The following RUNDC3B variants were observed in gnomAD, a reference collection of about 807,000 sequenced individuals.
RUNDC3B encodes RUN domain containing 3B.
A neutral mutation model predicts 58.4 loss-of-function variants in RUNDC3B; 33 were observed. That is an observed-to-expected ratio of 0.56 (90% CI 0.43 to 0.75). RUNDC3B has a LOEUF of 0.75. RUNDC3B is among the 30% of genes least tolerant of loss of function. The probability of loss-of-function intolerance (pLI) is 0.00; values close to 1 mark genes in which losing one functional copy is unlikely to be tolerated. For missense variants in RUNDC3B, 501 were observed against 535.7 expected, an observed-to-expected ratio of 0.94 and a Z score of 0.64; for synonymous variants, 193 against 195.2, an observed-to-expected ratio of 0.99 and a Z score of 0.10.
chr7:87,746,799 C>T (rs1322313197), intron 6 of RUNDC3B, among the ~76,000 whole-genome samples: 2 of 152,142 alleles, frequency 1.3e-5, no homozygotes, highest in African/African-American at 4.8e-5. Context: ...GCTTTTAGGC[C>T]ATTTACATTC....
At chr7:87,707,992 TATAAC>T (rs1829757860) in intron 3 of RUNDC3B, among the ~76,000 whole-genome samples, 1 of 151,938 alleles carries the variant, frequency 6.6e-6, no homozygotes, top group African/African-American at 2.4e-5. Context: ...ATAATGAAAA[TATAAC>T]ATATAAAAAC....
chr7:87,666,041 C>CT (rs1466370274), intron 2 of RUNDC3B, among the ~76,000 whole-genome samples: 1 of 152,034 alleles, frequency 6.6e-6, no homozygotes, highest in Non-Finnish European at 1.5e-5. Flanking sequence ...TCTTTTAGCT[C>CT]TTTGAGGAAT....
intron 6 of RUNDC3B, among the ~76,000 whole-genome samples, chr7:87,752,630 C>A (rs1395806678): frequency 6.6e-6 from 1 of 152,178 alleles, no homozygotes; most frequent in African/African-American, 2.4e-5. Flanking sequence ...AGGAATTTAT[C>A]CATTTCTTCT....
intron 8 of RUNDC3B, among the ~76,000 whole-genome samples, chr7:87,778,621 G>A (rs1834775086): frequency 6.6e-6 from 1 of 152,056 alleles, no homozygotes; most frequent in South Asian, 2.1e-4. Flanking sequence ...TTAGACTAGC[G>A]CTACTCAAAG....
chr7:87,648,101 C>T (rs1453107741), intron 1 of RUNDC3B, among the ~76,000 whole-genome samples: 5 of 149,248 alleles, frequency 3.4e-5, no homozygotes, highest in East Asian at 2.0e-4. Flanking sequence ...AGGAGAATGG[C>T]GTGAACCGGG....
At chr7:87,682,561 T>C (rs1158064235) in intron 2 of RUNDC3B, among the ~76,000 whole-genome samples, 8 of 152,340 alleles carry the variant, frequency 5.3e-5, no homozygotes, top group Admixed American at 4.6e-4. Context: ...GGTACATCTC[T>C]GTCATAGTTC....
At chr7:87,663,521 A>G (rs1343317242) in intron 2 of RUNDC3B, among the ~76,000 whole-genome samples, 1 of 152,040 alleles carries the variant, frequency 6.6e-6, no homozygotes, top group African/African-American at 2.4e-5. Flanking sequence ...TCTCAAGAAA[A>G]CTTCCATTAT....
intron 1 of RUNDC3B, among the ~76,000 whole-genome samples, chr7:87,630,187 T>C (rs1821071737): frequency 1.3e-5 from 2 of 152,196 alleles, no homozygotes; most frequent in African/African-American, 2.4e-5. Context: ...TTTCTCTGTA[T>C]TTTTCCGTTA....
At chr7:87,725,894 GA>G (rs1317681481) in intron 4 of RUNDC3B, among the ~76,000 whole-genome samples, 1 of 152,136 alleles carries the variant, frequency 6.6e-6, no homozygotes, top group Non-Finnish European at 1.5e-5. Context: ...GTCTTCTTTT[GA>G]GAAGTGTCTG....
chr7:87,737,288 G>A (rs897761407), intron 4 of RUNDC3B, among the ~76,000 whole-genome samples: 2 of 151,928 alleles, frequency 1.3e-5, no homozygotes, highest in Non-Finnish European at 2.9e-5. Flanking sequence ...GTCATCTCAG[G>A]CTTTACTCCT....
chr7:87,730,624 G>A (rs188699693), intron 4 of RUNDC3B, among the ~76,000 whole-genome samples: 24 of 152,054 alleles, frequency 1.6e-4, no homozygotes, highest in Admixed American at 2.6e-4. Context: ...CCCAACCAGG[G>A]CTGAAGACAA....
At chr7:87,743,340 G>C (rs528395728) in intron 6 of RUNDC3B, among the ~76,000 whole-genome samples, 115 of 152,298 alleles carry the variant, frequency 7.6e-4, no homozygotes, top group African/African-American at 2.7e-3. Flanking sequence ...CCAGTGGTGG[G>C]ATTGATGGAT....
chr7:87,794,523 G>A (rs1400375012), intron 8 of RUNDC3B, among the ~76,000 whole-genome samples: 1 of 151,896 alleles, frequency 6.6e-6, no homozygotes, highest in Non-Finnish European at 1.5e-5. Context: ...CCATGTTCAT[G>A]GATTAGGATA....
Position 87,685,593 on chromosome 7 carries a change from G to A in RUNDC3B, c.239-14828G>A, listed in dbSNP as rs139741590. On this transcript the variant is annotated intron_variant, in intron 2 of 10. Transcript: ENST00000394654. The stretch of plus-strand genomic sequence containing the variant: ...AAAGAAGCAAAACCCTAAAGATTAC[G>A]TATGATTCCATTTATATGACATTCT... 3.1e-3 allele frequency among the ~76,000 whole-genome samples: 466 copies of A among 152,230 alleles called. 2 individuals are homozygous for A. The highest frequency in any genetic ancestry group is 0.011 in the African/African-American group (443 of 41,564).
intron 8 of RUNDC3B, among the ~76,000 whole-genome samples, chr7:87,794,233 A>T (rs1214435546): frequency 6.6e-6 from 1 of 152,108 alleles, no homozygotes; most frequent in Non-Finnish European, 1.5e-5. Flanking sequence ...TCAAGAGATC[A>T]AGATCATCCT....
At chr7:87,829,546 G>T (rs193108232) in intron 10 of RUNDC3B, among the ~76,000 whole-genome samples, 5 of 152,176 alleles carry the variant, frequency 3.3e-5, no homozygotes, top group Admixed American at 6.6e-5. Context: ...CTGTTCCATT[G>T]GTCTTTGTGT....
At chr7:87,818,614 G>C (rs1405514442) in intron 10 of RUNDC3B, among the ~76,000 whole-genome samples, 2 of 152,110 alleles carry the variant, frequency 1.3e-5, no homozygotes, top group Non-Finnish European at 2.9e-5. Context: ...AGCATAAACA[G>C]CAGACATTAA....
intron 8 of RUNDC3B, among the ~76,000 whole-genome samples, chr7:87,792,814 G>T (rs1001268012): frequency 6.6e-6 from 1 of 151,672 alleles, no homozygotes; most frequent in Non-Finnish European, 1.5e-5. Flanking sequence ...AAAGGCAAAA[G>T]CAAGCCAAAA....
intron 2 of RUNDC3B, among the ~76,000 whole-genome samples, chr7:87,654,144 A>C (rs530833256): frequency 6.6e-6 from 1 of 152,152 alleles, no homozygotes; most frequent in East Asian, 1.9e-4. Context: ...TAAAATGTTT[A>C]TATTAACAAT....
Sources: allele counts gnomAD v4.1 joint callset (sites outside exome capture counted in the v4.1 genomes callset), GRCh38; gene constraint gnomAD v4.1.1; transcripts MANE v1.5; gene names NCBI Gene and HGNC (gene_info 2026-07-23, HGNC 2026-07-21).